Variants in TCOF1 observed in about 807,000 individuals in gnomAD.
TCOF1 encodes the protein treacle protein.
In TCOF1, 33 loss-of-function variants were observed where a neutral mutation model predicts 149.0. The observed-to-expected ratio is 0.22, with a 90% CI of 0.17 to 0.30. TCOF1 has a LOEUF of 0.30. Ranked by LOEUF, TCOF1 falls within the 10% of genes least tolerant of loss-of-function variation. The pLI is 1.00. For missense variants in TCOF1, 1,728 were observed against 1,840.7 expected (o/e 0.94, Z 1.12); for synonymous variants, 789 against 738.8 (o/e 1.07, Z -1.10).
At chr5:150,381,920 G>T (rs1246997401) in intron 17 of TCOF1, among the ~76,000 whole-genome samples, 1 of 152,194 alleles carries the variant, frequency 6.6e-6, no homozygotes, top group Non-Finnish European at 1.5e-5. Flanking sequence ...GGCAGGCCAG[G>T]CACGGTGGCT....
At chr5:150,384,495 A>G in intron 17 of TCOF1, 4 of 985,446 alleles carry the variant, frequency 4.1e-6, no homozygotes, top group Non-Finnish European at 4.8e-6. Flanking sequence ...GGGCTTGGGC[A>G]TTGCCCTCTG....
intron 6 of TCOF1, among the ~76,000 whole-genome samples, chr5:150,371,394 A>G (rs942747951): frequency 6.6e-6 from 1 of 151,902 alleles, no homozygotes; most frequent in South Asian, 2.1e-4. Context: ...TAAACACACA[A>G]CCTCAATGGG....
intron 17 of TCOF1, among the ~76,000 whole-genome samples, chr5:150,382,006 G>A (rs759593994): frequency 2.0e-5 from 3 of 152,164 alleles, no homozygotes; most frequent in Non-Finnish European, 4.4e-5. Flanking sequence ...GACCAGCCTG[G>A]CCAACATGGC....
rs1427082198 is a variant in TCOF1 at position 150,357,738 on chromosome 5, G to A, written c.-9G>A. The A allele has an allele frequency of 6.5e-7, 1 of 1,548,074 alleles. No homozygotes were observed. Among genetic ancestry groups the A allele is most frequent in the Non-Finnish European group, 8.7e-7 (1 of 1,146,212 alleles). On this transcript the variant is annotated 5_prime_UTR_variant, in exon 1 of 27. Coordinates refer to ENST00000643257, the MANE Select transcript of TCOF1 (RefSeq NM_001371623.1). ...CGTGCAGGTAGCCGGCCGGCCGGGG[G>A]TCGCGGGTATGGCCGAGGCCAGGAA...
intron 14 of TCOF1, among the ~76,000 whole-genome samples, chr5:150,376,881 C>G (rs1474508228): frequency 6.6e-6 from 1 of 152,222 alleles, no homozygotes; most frequent in African/African-American, 2.4e-5. Context: ...TCCCACCCTG[C>G]CAGGTGCTGC....
intron 26 of TCOF1, 150 bp downstream of exon 26, chr5:150,399,220 C>A: frequency 9.5e-7 from 1 of 1,052,962 alleles, no homozygotes; most frequent in African/African-American, 1.6e-5. Flanking sequence ...GTCCATGGGG[C>A]CACTGGGGTG....
Position 150,392,645 on chromosome 5 carries a change from T to G in TCOF1, c.3518-60T>G, listed in dbSNP as rs554082779. The G allele has an allele frequency of 5.0e-5, 78 of 1,562,998 alleles. No homozygotes were observed. In the South Asian group the frequency reaches 7.7e-4, roughly 15 times the overall value. The stretch of plus-strand genomic sequence containing the variant: ...AGACCAGGGCCTTCCTGAAGGGCTC[T>G]GCCCTTCCCGGCTGGCAGGGGCCAC... On this transcript the variant is annotated intron_variant, in intron 21 of 26. Transcript: ENST00000643257.
chr5:150,361,707 A>C lies in TCOF1; in HGVS notation c.164+496A>C, dbSNP rs371578922. On this transcript the variant is annotated intron_variant, in intron 2 of 26. Coordinates refer to ENST00000643257, the MANE Select transcript of TCOF1 (RefSeq NM_001371623.1). Reference sequence around the variant, plus strand: ...TAAGTCTGGCTTCATCTGGGGGTCCAGGGGAAGCTTCCCTGAGGTGATCTT... The same window carrying C: ...TAAGTCTGGCTTCATCTGGGGGTCCCGGGGAAGCTTCCCTGAGGTGATCTT... 3.3e-5 allele frequency among the ~76,000 whole-genome samples: 5 copies of C among 152,324 alleles called. No homozygotes were observed. In the East Asian group the frequency reaches 7.7e-4, roughly 23 times the overall value.
In TCOF1 at chr5:150,379,359, GCAGTGAGGAGGAGTCAGA is replaced by G. The variant is rs779750207; in HGVS notation, c.2623_2640del (p.Ser875_Glu880del). 29 of 1,614,112 alleles carry G rather than the reference GCAGTGAGGAGGAGTCAGA, an allele frequency of 1.8e-5. No homozygotes were observed. The highest frequency in any genetic ancestry group is 8.9e-5 in the East Asian group (4 of 44,898). ...ACAGGGCCAGAGGAGGACTCAGGGA[GCAGTGAGGAGGAGTCAGA>G]CAGTGAGGAGGAGGCGGAGACGCTG... On this transcript the variant is annotated inframe_deletion, in exon 16 of 27. Transcript: ENST00000643257.
In TCOF1 at chr5:150,364,157, C is replaced by T; in HGVS notation, c.209C>T (p.Ala70Val). Residue 70 changes from alanine to valine, a missense_variant, in exon 3 of 27, where the codon GCA becomes GTA. Coordinates refer to ENST00000643257, the MANE Select transcript of TCOF1 (RefSeq NM_001371623.1). Reference protein sequence around the residue: ...GRKRKAEEDAALQAKKTRVSD... With the variant: ...GRKRKAEEDAVLQAKKTRVSD... Reference sequence around the variant, plus strand: ...AAGCGGAAGGCAGAGGAAGATGCGGCACTGCAAGCTAAGAAAACCCGTGTG... The same window carrying T: ...AAGCGGAAGGCAGAGGAAGATGCGGTACTGCAAGCTAAGAAAACCCGTGTG... 6.2e-7 allele frequency: 1 copy of T among 1,614,146 alleles called. No individual in the cohort carries two copies. The highest frequency in any genetic ancestry group is 8.5e-7 in the Non-Finnish European group (1 of 1,180,030).
At chr5:150,398,501 G>GC in intron 25 of TCOF1, 50 bp downstream of exon 25, 1 of 1,612,968 alleles carries the variant, frequency 6.2e-7, no homozygotes, top group East Asian at 2.2e-5. Context: ...CCAAACCCAA[G>GC]CCCCCTCCTA....
At chr5:150,368,135 C>T in intron 4 of TCOF1, 1 of 550,548 alleles carries the variant, frequency 1.8e-6, no homozygotes, top group South Asian at 2.0e-5. Context: ...TGCAGTGGGC[C>T]ACTGGGCACA....
rs746604582 is a variant in TCOF1, at chr5:150,369,645, T to A, written c.639+43T>A. 7 of 1,606,994 alleles carry A rather than the reference T, an allele frequency of 4.4e-6. No homozygotes were observed. The East Asian group carries it at 1.6e-4, about 36-fold the overall frequency. On this transcript the variant is annotated intron_variant, in intron 6 of 26. Transcript: ENST00000643257. ...CTAGGAGTTGCCCTCTCCCAGCCTC[T>A]AACCCTTCCAGGAACCTGTCTGGGG...
rs774382095 is a variant in TCOF1 at position 150,379,404 on chromosome 5, C to A, written c.2654C>A (p.Ala885Asp). Reference protein sequence around the residue: ...SDSEEEAETLAQVKPSGKTHQ... With the variant: ...SDSEEEAETLDQVKPSGKTHQ... ...AGTGAGGAGGAGGCGGAGACGCTGG[C>A]TCAGGTGAGGGGGAGGGAATGGAGA... The change falls in exon 16 of 27, where the codon GCT becomes GAT. Residue 885 changes from alanine to aspartate, a missense_variant. This residue lies in a region of TCOF1 where 1,696 missense variants were observed against 1,765.4 expected (regional missense o/e 0.96). Transcript: ENST00000643257. The A allele has an allele frequency of 5.0e-6, 8 of 1,613,576 alleles. No homozygotes were observed. In the South Asian group the frequency reaches 6.6e-5, roughly 13 times the overall value.
chr5:150,380,915 A>C (rs1032163429), intron 17 of TCOF1: 1 of 152,322 alleles, frequency 6.6e-6, no homozygotes, highest in Non-Finnish European at 1.5e-5. Context: ...AGGCTGAGGC[A>C]GGAGAATCGC....
In TCOF1 at chr5:150,396,792, G is replaced by C. The variant is rs45491898; in HGVS notation, c.4295G>C (p.Gly1432Ala). Residue 1432 changes from glycine (G) to alanine (A), a missense_variant, in exon 24 of 27, where the codon GGA (glycine) becomes GCA (alanine). Physicochemically the swap from Gly to Ala is moderately conservative, Grantham distance 60 (BLOSUM62 0). Coordinates refer to ENST00000643257, the MANE Select transcript of TCOF1 (RefSeq NM_001371623.1). ...LQKGMGTVEG[G>A]DQSNPKSKKE... ...AAGGGGATGGGGACGGTTGAAGGTGGAGATCAAAGCAACCCAAAGAGCAAG... is the reference window on the plus strand; with the variant it reads ...AAGGGGATGGGGACGGTTGAAGGTGCAGATCAAAGCAACCCAAAGAGCAAG... 34,408 of 1,610,616 alleles carry C rather than the reference G, an allele frequency of 0.021. 444 individuals carry two copies. Among genetic ancestry groups the C allele is most frequent in the Middle Eastern group, 0.028 (170 of 6,032 alleles).
At position 150,379,522 on chromosome 5, in the gene TCOF1, C is replaced by T. The variant is rs759554129; in HGVS notation, c.2659-10C>T. ...CAGGCTCTCTCCTCTCATCCTGTTT[C>T]TCCCTCCAGGTGAAGCCTTCAGGGA... On this transcript the variant is annotated splice_polypyrimidine_tract_variant and intron_variant, in intron 16 of 26. Transcript: ENST00000643257. 3 of 1,614,188 alleles carry T rather than the reference C, an allele frequency of 1.9e-6. No homozygotes were observed. The South Asian group carries it at 3.3e-5, about 18-fold the overall frequency.
intron 23 of TCOF1, chr5:150,394,916 C>CAAAAAAA (rs57777218): frequency 1.4e-5 from 1 of 71,874 alleles, no homozygotes; most frequent in Non-Finnish European, 2.7e-5. Flanking sequence ...AACTCTGTCT[C>CAAAAAAA]AAAAAAAAAA....
At chr5:150,392,634 C>T in intron 21 of TCOF1, 71 bp from the exon 22 acceptor site, 1 of 1,519,756 alleles carries the variant, frequency 6.6e-7, no homozygotes, top group Non-Finnish European at 9.1e-7. Context: ...CAGGGCCTTC[C>T]TGAAGGGCTC....
Sources: gnomAD v4.1 joint callset for allele counts (sites outside exome capture counted in the v4.1 genomes callset) on GRCh38, gnomAD v4.1.1 for gene constraint, gnomAD v4.1.1 regional missense constraint, MANE v1.5 for transcripts, NCBI Gene and HGNC (gene_info 2026-07-23, HGNC 2026-07-21) for gene names.